PLPP3: variants seen among roughly 807,000 people sequenced by gnomAD.
PLPP3 encodes phospholipid phosphatase 3, also known as PAP2 beta.
PLPP3 carries 6 observed loss-of-function variants against 29.6 expected under a neutral mutation model. The observed-to-expected ratio is 0.20, with a 90% CI of 0.11 to 0.40. The LOEUF is 0.40. PLPP3 is among the 10% of genes least tolerant of loss of function. The pLI is 1.00. For missense variants in PLPP3, 308 were observed against 407.7 expected (o/e 0.76, Z 2.11); for synonymous variants, 152 against 159.7 (o/e 0.95, Z 0.36).
chr1:56,504,255 A>G (rs1014665228), intron 5 of PLPP3, among the ~76,000 whole-genome samples: 19 of 152,176 alleles, frequency 1.2e-4, no homozygotes, highest in Non-Finnish European at 1.5e-4. Context: ...GCTTGAGCCC[A>G]AGAGTTTAAG....
intron 1 of PLPP3, among the ~76,000 whole-genome samples, chr1:56,569,013 C>T (rs1330900708): frequency 6.6e-6 from 1 of 152,062 alleles, no homozygotes; most frequent in Non-Finnish European, 1.5e-5. Context: ...GTCTTTAGCT[C>T]CTCTGCCTCC....
intron 1 of PLPP3, among the ~76,000 whole-genome samples, chr1:56,568,750 G>A (rs527675114): frequency 2.0e-5 from 3 of 152,024 alleles, no homozygotes; most frequent in East Asian, 1.9e-4. Flanking sequence ...TCAGCCTCCC[G>A]AGTGGCTGGG....
intron 4 of PLPP3, among the ~76,000 whole-genome samples, chr1:56,515,187 T>G (rs1302247449): frequency 6.6e-6 from 1 of 152,220 alleles, no homozygotes; most frequent in Non-Finnish European, 1.5e-5. Context: ...TGGTCCAGGT[T>G]GGTTGATAAT....
At chr1:56,517,730 C>A (rs1309430939) in intron 4 of PLPP3, among the ~76,000 whole-genome samples, 1 of 152,244 alleles carries the variant, frequency 6.6e-6, no homozygotes, top group African/African-American at 2.4e-5. Flanking sequence ...GGACCTCTGT[C>A]TTTGGAGAAA....
At position 56,579,246 on chromosome 1, in the gene PLPP3, A is replaced by C; in HGVS notation, c.-230T>G. 1.3e-4 allele frequency: 62 copies of C among 495,862 alleles called. No individual in the cohort carries two copies. Among genetic ancestry groups the C allele is most frequent in the East Asian group, 3.8e-4 (9 of 23,650 alleles). The allele number at this position is 495,862 out of a possible 1,614,324, so 30.7% of individuals were successfully genotyped here. ...CTCTGCTTTCCTCTGTCAACCCTAA[A>C]TCGTTCTAAAGTCCAAGGGGAAGAG... On this transcript the variant is annotated 5_prime_UTR_variant, in exon 1 of 6. Transcript: ENST00000371250.
intron 1 of PLPP3, among the ~76,000 whole-genome samples, chr1:56,569,709 T>C (rs923533771): frequency 6.6e-6 from 1 of 152,136 alleles, no homozygotes; most frequent in African/African-American, 2.4e-5. Flanking sequence ...CCAGTCCCCT[T>C]TCATAATCTA....
At chr1:56,498,387 C>T (rs541539948) in intron 5 of PLPP3, among the ~76,000 whole-genome samples, 4 of 152,252 alleles carry the variant, frequency 2.6e-5, no homozygotes, top group South Asian at 2.1e-4. Context: ...GAAACAGACT[C>T]GATTAAAGTT....
intron 1 of PLPP3, among the ~76,000 whole-genome samples, chr1:56,578,195 G>A (rs1557519667): frequency 6.6e-6 from 1 of 152,176 alleles, no homozygotes; most frequent in Non-Finnish European, 1.5e-5. Context: ...GCCCATCAGG[G>A]AAATGGGGCT....
Position 56,579,352 on chromosome 1 carries a change from G to T in PLPP3, c.-336C>A. 3.4e-6 allele frequency: 1 copy of T among 292,272 alleles called. No homozygotes were observed. The highest frequency in any genetic ancestry group is 6.4e-6 in the Non-Finnish European group (1 of 156,836). 18.1% of individuals were successfully genotyped at this position (292,272 alleles called of 1,614,324 possible). ...GTGGCGCGCGTCTGAGTGCGCGAGC[G>T]AGCGAGTGGGCAGCGCGGGCGCTCG... is the stretch of plus-strand genomic sequence containing the variant. On this transcript the variant is annotated 5_prime_UTR_variant, in exon 1 of 6. Transcript: ENST00000371250.
rs1557513420 is a variant in PLPP3 at position 56,556,993 on chromosome 1, A to AGAAG, written c.140-19882_140-19881insCTTC. 1.9e-3 allele frequency among the ~76,000 whole-genome samples: 14 copies of AGAAG among 7,550 alleles called. 1 individual carries two copies. In the East Asian group the frequency reaches 0.019, roughly 10 times the overall value. The allele number at this position is 7,550 out of a possible 152,430, so 5.0% of individuals were successfully genotyped here. A position where few individuals can be genotyped will look rare whatever the true frequency, so the allele number is the denominator to read the frequency against. On this transcript the variant is annotated intron_variant, in intron 1 of 5. Coordinates refer to ENST00000371250, the MANE Select transcript of PLPP3 (RefSeq NM_003713.5). ...AAGAAAGAAAGAAAGAAAGAAAGAA[A>AGAAG]GAAAGAAAGAAAGAAAGAGAGAGAG...
chr1:56,576,560 T>C (rs547079459), intron 1 of PLPP3, among the ~76,000 whole-genome samples: 26 of 152,298 alleles, frequency 1.7e-4, no homozygotes, highest in Non-Finnish European at 2.8e-4. Context: ...AGGGGAAACA[T>C]TGATCAATAA....
At chr1:56,529,201 G>A (rs1205954264) in intron 2 of PLPP3, among the ~76,000 whole-genome samples, 1 of 152,060 alleles carries the variant, frequency 6.6e-6, no homozygotes, top group Non-Finnish European at 1.5e-5. Flanking sequence ...GGCCAGAGAG[G>A]GCAGTGAATC....
At chr1:56,515,613 G>T (rs956975642) in intron 4 of PLPP3, among the ~76,000 whole-genome samples, 9 of 152,248 alleles carry the variant, frequency 5.9e-5, no homozygotes, top group African/African-American at 1.9e-4. Flanking sequence ...CAAGGGAAAA[G>T]AACGCCTTTG....
intron 1 of PLPP3, among the ~76,000 whole-genome samples, chr1:56,568,999 A>G (rs1646180157): frequency 6.6e-6 from 1 of 151,682 alleles, no homozygotes; most frequent in African/African-American, 2.4e-5. Context: ...TTGCCACCCC[A>G]CTGGTCTTTA....
intron 5 of PLPP3, among the ~76,000 whole-genome samples, chr1:56,498,488 G>T (rs2100216196): frequency 6.6e-6 from 1 of 152,188 alleles, no homozygotes; most frequent in South Asian, 2.1e-4. Context: ...TCCCCCAGTG[G>T]CCTTACTTCT....
At position 56,578,966 on chromosome 1, in the gene PLPP3, G is replaced by A. The variant is rs1341164381; in HGVS notation, c.51C>T (p.Gly17=). Reference sequence around the variant, plus strand: ...GGTTGTTGTTGAGCGCCGGGCTGCCGCCGTTCTTGCTCTCCGGGACGATCG... The same window carrying A: ...GGTTGTTGTTGAGCGCCGGGCTGCCACCGTTCTTGCTCTCCGGGACGATCG... ...DKAIVPESKN[G]GSPALNNNPR... is the part of the protein sequence containing the mutation. The change falls in exon 1 of 6, where the codon GGC becomes GGT. Residue 17 remains glycine (G), a synonymous_variant. Transcript: ENST00000371250. 6.2e-7 allele frequency: 1 copy of A among 1,601,886 alleles called. No individual in the cohort carries two copies.
intron 1 of PLPP3, among the ~76,000 whole-genome samples, chr1:56,564,197 G>A (rs557633957): frequency 1.2e-4 from 18 of 152,270 alleles, no homozygotes; most frequent in African/African-American, 2.4e-4. Flanking sequence ...TCTGCACAAC[G>A]ACTGTCTCAT....
intron 1 of PLPP3, among the ~76,000 whole-genome samples, chr1:56,559,556 A>ATTTT (rs35349205): frequency 2.1e-5 from 3 of 145,208 alleles, no homozygotes; most frequent in East Asian, 2.0e-4. Flanking sequence ...CCAGCCTTGA[A>ATTTT]TTTTTTTTTT....
chr1:56,569,984 C>T (rs2100307476), intron 1 of PLPP3, among the ~76,000 whole-genome samples: 1 of 152,300 alleles, frequency 6.6e-6, no homozygotes, highest in Middle Eastern at 3.4e-3. Context: ...AGAGTAGGCC[C>T]TCCCTTAAGG....
Sources: gnomAD v4.1 joint callset for allele counts (sites outside exome capture counted in the v4.1 genomes callset) on GRCh38, gnomAD v4.1.1 for gene constraint, MANE v1.5 for transcripts, NCBI Gene and HGNC (gene_info 2026-07-23, HGNC 2026-07-21) for gene names.